The following SPATA21 variants were observed in gnomAD, a reference collection of about 807,000 sequenced individuals.
SPATA21 encodes the protein spermatogenesis associated 21.
In SPATA21, 47 loss-of-function variants were observed where a neutral mutation model predicts 54.8. The observed-to-expected ratio is 0.86, with a 90% confidence interval of 0.68 to 1.09. The LOEUF is 1.09. SPATA21 is among the 50% of genes least tolerant of loss of function. SPATA21 has a pLI of 0.00. For missense variants in SPATA21, 599 were observed against 596.4 expected, an observed-to-expected ratio of 1.00 and a Z score of -0.05; for synonymous variants, 245 against 235.3, an observed-to-expected ratio of 1.04 and a Z score of -0.38.
In SPATA21 at chr1:16,399,528, AAGAAGGAGGC is replaced by A. The variant is rs1283566896; in HGVS notation, c.1175-17_1175-8del. The A allele has an allele frequency of 5.0e-6, 8 of 1,611,494 alleles. No homozygotes were observed. The highest frequency in any genetic ancestry group is 6.8e-6 in the Non-Finnish European group (8 of 1,179,000). On this transcript the variant is annotated splice_region_variant and splice_polypyrimidine_tract_variant and intron_variant, in intron 11 of 12. Transcript: ENST00000335496. ...GGGCTCTGCAGGTTGGGAGCTGGTGAAGAAGGAGGCAGAAGGAGGAATGCTTCACAGCATG... is the reference window on the plus strand; with the variant it reads ...GGGCTCTGCAGGTTGGGAGCTGGTGAAGAAGGAGGAATGCTTCACAGCATG...
chr1:16,420,312 G>A (rs184858157), intron 5 of SPATA21, among the ~76,000 whole-genome samples: 92 of 152,136 alleles, frequency 6.0e-4, no homozygotes, highest in African/African-American at 2.1e-3. Flanking sequence ...ACAAGCGGAG[G>A]AGGTGAGGGG....
At chr1:16,407,662 G>A (rs906662070) in intron 7 of SPATA21, among the ~76,000 whole-genome samples, 1 of 152,062 alleles carries the variant, frequency 6.6e-6, no homozygotes, top group Non-Finnish European at 1.5e-5. Context: ...GTTTCACCAT[G>A]TTGGTCAGGC....
chr1:16,419,008 G>A (rs541855062), intron 5 of SPATA21, among the ~76,000 whole-genome samples: 3 of 152,274 alleles, frequency 2.0e-5, no homozygotes, highest in African/African-American at 7.2e-5. Context: ...CTGCCCTCAG[G>A]GAGCTTGCGT....
intron 7 of SPATA21, among the ~76,000 whole-genome samples, chr1:16,407,816 A>C (rs991902448): frequency 2.6e-5 from 4 of 151,962 alleles, no homozygotes; most frequent in Admixed American, 2.6e-4. Context: ...CCCAGGCTGG[A>C]GTGTAGTGGC....
At position 16,421,437 on chromosome 1, in the gene SPATA21, TC is replaced by T; in HGVS notation, c.144+71del. On this transcript the variant is annotated intron_variant, in intron 5 of 12. Transcript: ENST00000335496. This position sits in a 1 kb window ranked among gnomAD's most constrained non-coding sequence, Gnocchi z 5.2. ...TGACGTGCCACATCCGCTTCTGCCC[TC>T]TTCCTCCTCCTGATCCCCCCTGCCT... is the stretch of plus-strand genomic sequence containing the variant. 6.9e-7 allele frequency: 1 copy of T among 1,445,398 alleles called. No individual in the cohort carries two copies. Among genetic ancestry groups the T allele is most frequent in the Non-Finnish European group, 9.4e-7 (1 of 1,067,088 alleles). The allele number at this position is 1,445,398 out of a possible 1,614,324, so 89.5% of individuals were successfully genotyped here.
chr1:16,400,994 GC>G, intron 10 of SPATA21, 102 bp from the exon 11 acceptor site: 1 of 1,405,772 alleles, frequency 7.1e-7, no homozygotes, highest in Non-Finnish European at 9.6e-7. Flanking sequence ...AGGAACACAA[GC>G]CTAGGAGTCA....
rs1488570884 is a variant in SPATA21 at position 16,421,576 on chromosome 1, C to T, written c.96-19G>A. ...CTCACCCCTGAATAGAAGAGAAACC[C>T]CCAGGTGGGGGAAGCGCTCAGCTGA... On this transcript the variant is annotated intron_variant, in intron 4 of 12. Transcript: ENST00000335496. The surrounding 1 kb of genome is among the most constrained non-coding windows in gnomAD (Gnocchi z 5.2). The T allele has an allele frequency of 1.9e-6, 3 of 1,611,238 alleles. No individual in the cohort carries two copies. Among genetic ancestry groups the T allele is most frequent in the South Asian group, 2.2e-5 (2 of 90,530 alleles).
intron 1 of SPATA21, among the ~76,000 whole-genome samples, chr1:16,435,276 G>A (rs770523772): frequency 1.3e-5 from 2 of 151,922 alleles, no homozygotes; most frequent in Non-Finnish European, 2.9e-5. Context: ...GTGCTTATTG[G>A]CCATTTGTCT....
intron 8 of SPATA21, among the ~76,000 whole-genome samples, chr1:16,404,544 C>T (rs1204924033): frequency 1.3e-5 from 2 of 151,910 alleles, no homozygotes; most frequent in Admixed American, 6.6e-5. Context: ...ATGTTGGGTG[C>T]GGTGGCTCAC....
chr1:16,400,596 A>C, intron 11 of SPATA21, 124 bp downstream of exon 11: 1 of 1,496,700 alleles, frequency 6.7e-7, no homozygotes, highest in Non-Finnish European at 8.9e-7. Flanking sequence ...GTTAAGCCCG[A>C]AGTGGGAAAC....
At chr1:16,427,940 G>A in intron 3 of SPATA21, 1 of 1,550,298 alleles carries the variant, frequency 6.5e-7, no homozygotes, top group Non-Finnish European at 8.7e-7. Flanking sequence ...CTGAGTCTGG[G>A]CCCCTTCTCT....
intron 2 of SPATA21, among the ~76,000 whole-genome samples, chr1:16,432,267 G>A (rs1240208908): frequency 2.6e-5 from 4 of 151,712 alleles, no homozygotes; most frequent in Non-Finnish European, 4.4e-5. Context: ...GATTTTAGGC[G>A]GCCGCCACCA....
chr1:16,427,755 G>A (rs1383286823), intron 3 of SPATA21: 1 of 1,205,700 alleles, frequency 8.3e-7, no homozygotes, highest in Non-Finnish European at 1.1e-6. Flanking sequence ...GTGCTGTCGT[G>A]GGTGGAGCTG....
At chr1:16,412,683 G>A (rs1433252779) in intron 5 of SPATA21, among the ~76,000 whole-genome samples, 2 of 152,076 alleles carry the variant, frequency 1.3e-5, no homozygotes, top group Non-Finnish European at 2.9e-5. Context: ...AACTGGTCTC[G>A]AACTCCTGAC....
intron 3 of SPATA21, among the ~76,000 whole-genome samples, chr1:16,430,701 CT>C (rs2086437752): frequency 6.6e-6 from 1 of 152,194 alleles, no homozygotes; most frequent in Admixed American, 6.5e-5. Context: ...GGAAGCTTCT[CT>C]TCTCCATTCA....
chr1:16,421,598 C>T lies in SPATA21; in HGVS notation c.96-41G>A, dbSNP rs764876302. The T allele has an allele frequency of 8.2e-6, 13 of 1,595,058 alleles. No individual in the cohort carries two copies. The highest frequency in any genetic ancestry group is 1.1e-5 in the Non-Finnish European group (13 of 1,169,752). ...ACCCCCAGGTGGGGGAAGCGCTCAGCTGAAGGTTTGCCCCCCTGCCCTCCC... is the reference window on the plus strand; with the variant it reads ...ACCCCCAGGTGGGGGAAGCGCTCAGTTGAAGGTTTGCCCCCCTGCCCTCCC... On this transcript the variant is annotated intron_variant, in intron 4 of 12. Transcript: ENST00000335496. The surrounding 1 kb of genome is among the most constrained non-coding windows in gnomAD (Gnocchi z 5.2).
chr1:16,409,615 G>T lies in SPATA21; in HGVS notation c.573C>A (p.Ser191Arg). Reference sequence around the variant, plus strand: ...GGGGCTCCTACCGCGCCTTGGCGTAGCTCAGGGTTCTCTCGCTGCTCTGGT... The same window carrying T: ...GGGGCTCCTACCGCGCCTTGGCGTATCTCAGGGTTCTCTCGCTGCTCTGGT... ...LLHQSSERTLSYAKARQEPEE... is the reference protein window; with the variant it reads ...LLHQSSERTLRYAKARQEPEE... Residue 191 changes from serine (S) to arginine (R), a missense_variant, in exon 6 of 13, where the codon AGC (serine) becomes AGA (arginine). By Grantham distance (110) the Ser-to-Arg change is moderately radical. Coordinates refer to ENST00000335496, the MANE Select transcript of SPATA21 (RefSeq NM_198546.1). The surrounding 1 kb of genome is among the most constrained non-coding windows in gnomAD (Gnocchi z 4.1). 6.2e-7 allele frequency: 1 copy of T among 1,611,914 alleles called. No individual in the cohort carries two copies.
intron 5 of SPATA21, among the ~76,000 whole-genome samples, chr1:16,420,578 G>A (rs946609359): frequency 1.3e-5 from 2 of 152,090 alleles, no homozygotes; most frequent in African/African-American, 2.4e-5. Flanking sequence ...ATGTTTGTAT[G>A]CTGATGGAAT....
intron 3 of SPATA21, among the ~76,000 whole-genome samples, chr1:16,424,213 T>C (rs1371464030): frequency 1.5e-5 from 2 of 129,232 alleles, no homozygotes; most frequent in African/African-American, 3.0e-5. Context: ...TTTGGGAGGC[T>C]GAGGCAGGAG....
Sources: allele counts gnomAD v4.1 joint callset (sites outside exome capture counted in the v4.1 genomes callset), GRCh38; gene constraint gnomAD v4.1.1; non-coding constraint Gnocchi (gnomAD v3.1); transcripts MANE v1.5; gene names NCBI Gene and HGNC (gene_info 2026-07-23, HGNC 2026-07-21).